Variants in KIAA0825 observed in about 807,000 individuals in gnomAD.
KIAA0825 encodes the protein KIAA0825, also known as uncharacterized protein KIAA0825.
In KIAA0825, 119 loss-of-function variants were observed where a neutral mutation model predicts 147.6. That is an observed-to-expected ratio of 0.81 (90% CI 0.69 to 0.94). The LOEUF is 0.94. KIAA0825 is among the 40% of genes least tolerant of loss of function. The probability of loss-of-function intolerance (pLI) is 0.00; values close to 1 mark genes in which losing one functional copy is unlikely to be tolerated. For missense variants in KIAA0825, 1,381 were observed against 1,472.7 expected (o/e 0.94, Z 1.02); for synonymous variants, 470 against 518.1 (o/e 0.91, Z 1.26).
At chr5:94,413,953 T>C (rs1437641892) in intron 15 of KIAA0825, 2 of 152,158 alleles carry the variant, frequency 1.3e-5, no homozygotes, top group Non-Finnish European at 2.9e-5. Context: ...TTTATGTAGG[T>C]AATAGAGACA....
At chr5:94,584,806 C>G (rs898451214) in intron 1 of KIAA0825, among the ~76,000 whole-genome samples, 1 of 152,106 alleles carries the variant, frequency 6.6e-6, no homozygotes, top group Non-Finnish European at 1.5e-5. Flanking sequence ...TCATGTTACC[C>G]ACAAAGGGAA....
At chr5:94,190,768 C>T (rs1008168697) in intron 20 of KIAA0825, among the ~76,000 whole-genome samples, 36 of 150,970 alleles carry the variant, frequency 2.4e-4, no homozygotes, top group African/African-American at 8.8e-4. Flanking sequence ...TGTTTGTGTT[C>T]CAGGAACATG....
chr5:94,569,674 G>T, intron 2 of KIAA0825: 1 of 343,696 alleles, frequency 2.9e-6, no homozygotes, highest in South Asian at 1.5e-4. Flanking sequence ...CCATTCAAAT[G>T]ATCACAGGAC....
At chr5:94,428,798 T>A (rs1023574854) in intron 14 of KIAA0825, among the ~76,000 whole-genome samples, 1 of 152,206 alleles carries the variant, frequency 6.6e-6, no homozygotes, top group African/African-American at 2.4e-5. Flanking sequence ...TTTTCCAGGT[T>A]GTTTACTTTT....
intron 20 of KIAA0825, among the ~76,000 whole-genome samples, chr5:94,298,817 T>C (rs190506357): frequency 8.5e-5 from 13 of 152,300 alleles, no homozygotes; most frequent in Admixed American, 4.6e-4. Context: ...AATACGTTCA[T>C]CTTGTGCTTG....
chr5:94,175,928 A>G (rs1769051386), intron 20 of KIAA0825, among the ~76,000 whole-genome samples: 1 of 152,148 alleles, frequency 6.6e-6, no homozygotes, highest in African/African-American at 2.4e-5. Flanking sequence ...TTGACATTCA[A>G]AGGTTATCCT....
intron 20 of KIAA0825, among the ~76,000 whole-genome samples, chr5:94,238,282 A>G (rs1419602613): frequency 6.6e-6 from 1 of 152,186 alleles, no homozygotes; most frequent in African/African-American, 2.4e-5. Context: ...ACTTTTCTAT[A>G]GGTTTGAATT....
At chr5:94,367,370 C>T (rs961129209) in intron 20 of KIAA0825, among the ~76,000 whole-genome samples, 37 of 152,042 alleles carry the variant, frequency 2.4e-4, no homozygotes, top group South Asian at 2.1e-4. Flanking sequence ...TGGTGGCGGG[C>T]GCCTGTAATC....
chr5:94,527,504 C>T (rs987846042), intron 3 of KIAA0825, among the ~76,000 whole-genome samples: 1 of 151,772 alleles, frequency 6.6e-6, no homozygotes, highest in African/African-American at 2.4e-5. Context: ...TGTTAGAATA[C>T]AAAAAATTTT....
chr5:94,541,474 A>C (rs1018729665), intron 2 of KIAA0825, among the ~76,000 whole-genome samples: 1 of 152,214 alleles, frequency 6.6e-6, no homozygotes, highest in Non-Finnish European at 1.5e-5. Flanking sequence ...GGATTGTTTT[A>C]AGTTAGATAA....
intron 1 of KIAA0825, among the ~76,000 whole-genome samples, chr5:94,615,179 A>T (rs763644687): frequency 1.3e-5 from 2 of 152,204 alleles, no homozygotes. Flanking sequence ...AAGCTTACAT[A>T]AAACACATCA....
chr5:94,175,960 G>T (rs915612494), intron 20 of KIAA0825, among the ~76,000 whole-genome samples: 1 of 152,076 alleles, frequency 6.6e-6, no homozygotes, highest in Admixed American at 6.6e-5. Flanking sequence ...AAATTTTTAT[G>T]ATGTGTTTCT....
chr5:94,168,545 G>A lies in KIAA0825; in HGVS notation c.3711-14421C>T, dbSNP rs986604282. On this transcript the variant is annotated intron_variant, in intron 20 of 20. Coordinates refer to ENST00000682413, the MANE Select transcript of KIAA0825 (RefSeq NM_001145678.3). ...GTTATGGCTTAGGGAAAACATAAAC[G>A]GAAGCACAGCCATCAGTAGTAATGG... Among the ~76,000 whole-genome samples the A allele has an allele frequency of 1.3e-5, 2 of 152,136 alleles. 1 individual carries two copies. Among genetic ancestry groups the A allele is most frequent in the South Asian group, 4.1e-4 (2 of 4,828 alleles).
rs1766771876 is a variant in KIAA0825, at chr5:94,153,712, A to T, written c.*295T>A. Reference sequence around the variant, plus strand: ...TGAACATTTCTTCCTGTTGTCATAGATACTTCAAGACTGAAAGGAGAAAAA... The same window carrying T: ...TGAACATTTCTTCCTGTTGTCATAGTTACTTCAAGACTGAAAGGAGAAAAA... On this transcript the variant is annotated 3_prime_UTR_variant, in exon 21 of 21. Coordinates refer to ENST00000682413, the MANE Select transcript of KIAA0825 (RefSeq NM_001145678.3). 1 of 227,032 alleles carries T rather than the reference A, an allele frequency of 4.4e-6. No homozygotes were observed. The highest frequency in any genetic ancestry group is 8.5e-6 in the Non-Finnish European group (1 of 117,636). The allele number at this position is 227,032 out of a possible 1,614,324, so 14.1% of individuals were successfully genotyped here. A position where few individuals can be genotyped will look rare whatever the true frequency, so the allele number is the denominator to read the frequency against.
At chr5:94,464,297 TACTC>T (rs1311612903) in intron 11 of KIAA0825, among the ~76,000 whole-genome samples, 2 of 152,174 alleles carry the variant, frequency 1.3e-5, no homozygotes, top group African/African-American at 4.8e-5. Flanking sequence ...TCTTATTTAA[TACTC>T]AGTGACTGCT....
intron 20 of KIAA0825, among the ~76,000 whole-genome samples, chr5:94,239,155 C>T (rs1775219336): frequency 6.6e-6 from 1 of 152,112 alleles, no homozygotes; most frequent in Non-Finnish European, 1.5e-5. Flanking sequence ...CTGAAGTATA[C>T]TTCTAACTTT....
At chr5:94,356,667 AT>A (rs201991026) in intron 20 of KIAA0825, among the ~76,000 whole-genome samples, 3,846 of 149,500 alleles carry the variant, frequency 0.026, 168 homozygotes, top group African/African-American at 0.09. Context: ...TGAAAATTTC[AT>A]TTTGTCATGG....
intron 7 of KIAA0825, among the ~76,000 whole-genome samples, chr5:94,475,573 C>T (rs867122437): frequency 3.2e-4 from 49 of 152,168 alleles, no homozygotes; most frequent in African/African-American, 1.1e-3. Flanking sequence ...TTTGGGAGGC[C>T]GAGGCAGGCG....
At chr5:94,262,681 AGTTC>A (rs1358646143) in intron 20 of KIAA0825, among the ~76,000 whole-genome samples, 2 of 152,192 alleles carry the variant, frequency 1.3e-5, no homozygotes, top group African/African-American at 4.8e-5. Flanking sequence ...GTAAGACAAC[AGTTC>A]GTTCGATATG....
Sources: allele counts gnomAD v4.1 joint callset (sites outside exome capture counted in the v4.1 genomes callset), GRCh38; gene constraint gnomAD v4.1.1; transcripts MANE v1.5; gene names NCBI Gene and HGNC (gene_info 2026-07-23, HGNC 2026-07-21).